Variants in SLC30A8 observed in about 807,000 individuals in gnomAD.
The protein encoded by SLC30A8 is proton-coupled zinc antiporter SLC30A8.
Under a neutral mutation model 36.9 loss-of-function variants are expected in SLC30A8, and 27 were observed. That is an observed-to-expected ratio of 0.73 (90% CI 0.54 to 1.01). The LOEUF (loss-of-function observed/expected upper bound fraction) is 1.01, where lower values mean the gene tolerates loss of function less well. Ranked by LOEUF, SLC30A8 falls within the 50% of genes least tolerant of loss-of-function variation. The pLI is 0.00. For synonymous variants in SLC30A8, 164 were observed against 172.4 expected, an observed-to-expected ratio of 0.95 and a Z score of 0.38; for missense variants, 439 against 452.0, an observed-to-expected ratio of 0.97 and a Z score of 0.26.
chr8:116,962,685 C>T (rs574481565), intron 1 of SLC30A8, among the ~76,000 whole-genome samples: 17 of 152,068 alleles, frequency 1.1e-4, no homozygotes, highest in Admixed American at 6.6e-4. Context: ...CATTTATTCA[C>T]GAGGTAATAT....
chr8:116,971,514 A>G (rs1283818003), intron 1 of SLC30A8, among the ~76,000 whole-genome samples: 3 of 152,238 alleles, frequency 2.0e-5, no homozygotes, highest in African/African-American at 4.8e-5. Flanking sequence ...ATATTATGGT[A>G]TAAACCACTA....
chr8:117,041,807 G>A (rs1817397328), intron 2 of SLC30A8, among the ~76,000 whole-genome samples: 1 of 152,234 alleles, frequency 6.6e-6, no homozygotes, highest in Admixed American at 6.5e-5. Flanking sequence ...GTGTGTTTTA[G>A]TGAGAAGTGA....
chr8:117,026,591 G>A (rs759895621), intron 1 of SLC30A8, among the ~76,000 whole-genome samples: 10 of 152,122 alleles, frequency 6.6e-5, no homozygotes, highest in Non-Finnish European at 1.2e-4. Flanking sequence ...ATTCACTGCG[G>A]TAGACAGAGA....
intron 2 of SLC30A8, among the ~76,000 whole-genome samples, chr8:117,129,744 G>A (rs1346007685): frequency 2.0e-5 from 3 of 151,914 alleles, no homozygotes; most frequent in African/African-American, 7.3e-5. Context: ...TATTTCTGGT[G>A]GAGACTCAGA....
intron 1 of SLC30A8, among the ~76,000 whole-genome samples, chr8:116,980,935 G>A (rs549672475): frequency 2.0e-5 from 3 of 152,318 alleles, no homozygotes; most frequent in African/African-American, 7.2e-5. Context: ...ATGAATGGGT[G>A]TTCTAATTAC....
intron 1 of SLC30A8, among the ~76,000 whole-genome samples, chr8:117,039,007 G>A (rs1162765240): frequency 1.3e-5 from 2 of 152,192 alleles, no homozygotes; most frequent in Non-Finnish European, 1.5e-5. Flanking sequence ...TGAAACAGCA[G>A]AGAGATTCAG....
intron 2 of SLC30A8, among the ~76,000 whole-genome samples, chr8:117,078,886 C>T (rs929075668): frequency 6.6e-6 from 1 of 152,168 alleles, no homozygotes; most frequent in East Asian, 1.9e-4. Flanking sequence ...TGGGGTTTCA[C>T]CATGTTGCCC....
At chr8:117,088,312 A>G (rs1455252938) in intron 2 of SLC30A8, among the ~76,000 whole-genome samples, 1 of 152,190 alleles carries the variant, frequency 6.6e-6, no homozygotes, top group Admixed American at 6.5e-5. Context: ...CTGATCCTAT[A>G]AATTAGAAGA....
intron 1 of SLC30A8, among the ~76,000 whole-genome samples, chr8:116,963,478 A>G (rs1279113068): frequency 6.6e-6 from 1 of 152,146 alleles, no homozygotes. Context: ...AATATACTTT[A>G]TGGATTTGTC....
At chr8:116,966,126 C>A (rs549088183) in intron 1 of SLC30A8, among the ~76,000 whole-genome samples, 3 of 152,222 alleles carry the variant, frequency 2.0e-5, no homozygotes, top group Non-Finnish European at 2.9e-5. Flanking sequence ...TCAGGCAATT[C>A]GCCCGTCTCG....
chr8:117,122,590 T>G (rs11779156), intron 2 of SLC30A8, among the ~76,000 whole-genome samples: 23 of 152,006 alleles, frequency 1.5e-4, no homozygotes, highest in Non-Finnish European at 3.1e-4. Context: ...ACTCTTCATC[T>G]GAGTACTGAC....
chr8:117,161,082 C>T (rs1483687179), intron 4 of SLC30A8, among the ~76,000 whole-genome samples: 1 of 152,126 alleles, frequency 6.6e-6, no homozygotes, highest in East Asian at 1.9e-4. Context: ...AAGAGATGCT[C>T]AGCTTTGCAA....
At chr8:117,103,469 G>T (rs1017860082) in intron 2 of SLC30A8, among the ~76,000 whole-genome samples, 3 of 143,414 alleles carry the variant, frequency 2.1e-5, no homozygotes, top group African/African-American at 8.4e-5. Flanking sequence ...TGCTTTAAGG[G>T]TAACATACTT....
chr8:117,116,006 G>T (rs184639818), intron 2 of SLC30A8, among the ~76,000 whole-genome samples: 195 of 152,180 alleles, frequency 1.3e-3, no homozygotes, highest in African/African-American at 4.5e-3. Flanking sequence ...CTTAAGGAGG[G>T]TTAGTAGAGA....
intron 2 of SLC30A8, among the ~76,000 whole-genome samples, chr8:117,113,882 G>T (rs1820334696): frequency 6.6e-6 from 1 of 152,128 alleles, no homozygotes; most frequent in Admixed American, 6.6e-5. Flanking sequence ...TAGATGCACT[G>T]AGTGTGGTTC....
intron 1 of SLC30A8, among the ~76,000 whole-genome samples, chr8:117,004,519 G>T (rs914334491): frequency 1.3e-5 from 2 of 152,030 alleles, no homozygotes; most frequent in Admixed American, 1.3e-4. Flanking sequence ...TCAAGAGCGT[G>T]TCCCTGTCTA....
intron 1 of SLC30A8, among the ~76,000 whole-genome samples, chr8:116,966,761 A>G (rs1301113873): frequency 1.3e-5 from 2 of 152,216 alleles, no homozygotes; most frequent in East Asian, 3.9e-4. Flanking sequence ...ATAGAAGAAA[A>G]TTACCAGGGA....
At chr8:117,159,623 G>T (rs1480444512) in intron 4 of SLC30A8, among the ~76,000 whole-genome samples, 1 of 152,220 alleles carries the variant, frequency 6.6e-6, no homozygotes, top group East Asian at 1.9e-4. Context: ...GGGAGAAAAA[G>T]TGTGAGTAGA....
chr8:117,133,243 T>G (rs1437041537), upstream of SLC30A8, among the ~76,000 whole-genome samples: 1 of 151,934 alleles, frequency 6.6e-6, no homozygotes, highest in Non-Finnish European at 1.5e-5. Flanking sequence ...TTTTTGTTGT[T>G]TTGCTTGGGT....
Sources: gnomAD v4.1 joint callset for allele counts (sites outside exome capture counted in the v4.1 genomes callset) on GRCh38, gnomAD v4.1.1 for gene constraint, MANE v1.5 for transcripts, NCBI Gene and HGNC (gene_info 2026-07-23, HGNC 2026-07-21) for gene names.